The following DYNC1I1 variants were observed in gnomAD, a reference collection of about 807,000 sequenced individuals.
DYNC1I1 encodes cytoplasmic dynein 1 intermediate chain 1.
Under a neutral mutation model 86.6 loss-of-function variants are expected in DYNC1I1, and 43 were observed. The observed-to-expected ratio is 0.50, with a 90% CI of 0.39 to 0.64. The LOEUF (loss-of-function observed/expected upper bound fraction) is 0.64. Ranked by LOEUF, DYNC1I1 falls within the 30% of genes least tolerant of loss-of-function variation. DYNC1I1 has a pLI of 0.00. For synonymous variants in DYNC1I1, 262 were observed against 283.7 expected (o/e 0.92, Z 0.77); for missense variants, 604 against 788.8 (o/e 0.77, Z 2.81).
chr7:95,838,234 G>T (rs894157262), intron 5 of DYNC1I1, among the ~76,000 whole-genome samples: 4 of 152,102 alleles, frequency 2.6e-5, no homozygotes, highest in African/African-American at 9.7e-5. Context: ...GTGATATAAA[G>T]ATCCAATTTC....
At chr7:96,021,847 T>G (rs1794559050) in intron 10 of DYNC1I1, among the ~76,000 whole-genome samples, 1 of 152,206 alleles carries the variant, frequency 6.6e-6, no homozygotes, top group African/African-American at 2.4e-5. Flanking sequence ...ACTTTATTCT[T>G]TTTATTGCCA....
chr7:95,871,855 A>G (rs1386425061), intron 6 of DYNC1I1, among the ~76,000 whole-genome samples: 1 of 152,224 alleles, frequency 6.6e-6, no homozygotes, highest in Non-Finnish European at 1.5e-5. Context: ...TGTTTTGTTC[A>G]CAAGATCCAT....
At chr7:95,834,551 A>G (rs1412327943) in intron 5 of DYNC1I1, among the ~76,000 whole-genome samples, 1 of 134,022 alleles carries the variant, frequency 7.5e-6, no homozygotes, top group African/African-American at 2.9e-5. Context: ...GAATGGTACC[A>G]GTTCCTCCTT....
rs1789719616 is a variant in DYNC1I1, at chr7:95,856,263, G to A, written c.375-13620G>A. Reference sequence around the variant, plus strand: ...ATATCACTGTCTTTCACCTCCACATGTTGTCCCCCTGGACGGTCTTCAGGG... The same window carrying A: ...ATATCACTGTCTTTCACCTCCACATATTGTCCCCCTGGACGGTCTTCAGGG... On this transcript the variant is annotated intron_variant, in intron 5 of 16. Transcript: ENST00000447467. 3.3e-5 allele frequency among the ~76,000 whole-genome samples: 5 copies of A among 151,978 alleles called. No homozygotes were observed. In the South Asian group the frequency reaches 1.0e-3, roughly 32 times the overall value.
chr7:96,076,092 A>C lies in DYNC1I1; in HGVS notation c.1545A>C (p.Ala515=). 6.2e-7 allele frequency: 1 copy of C among 1,614,194 alleles called. No homozygotes were observed. Among genetic ancestry groups the C allele is most frequent in the South Asian group, 1.1e-5 (1 of 91,084 alleles). ...NKPLYSFEDN[A]DYVYDVMWSP... ...CGCTCTACTCCTTTGAAGACAATGC[A>C]GACTATGTGTACGATGTCATGTGGT... Residue 515 remains alanine (A), a synonymous_variant, in exon 15 of 17, where the codon GCA becomes GCC. Transcript: ENST00000447467.
intron 6 of DYNC1I1, among the ~76,000 whole-genome samples, chr7:95,907,355 C>T (rs1422236605): frequency 2.0e-5 from 3 of 152,114 alleles, no homozygotes; most frequent in South Asian, 2.1e-4. Flanking sequence ...CCAGAATGAC[C>T]GTTTATATTT....
chr7:96,082,111 C>T (rs1338252416), intron 16 of DYNC1I1, among the ~76,000 whole-genome samples: 2 of 152,034 alleles, frequency 1.3e-5, no homozygotes, highest in African/African-American at 2.4e-5. Context: ...CCCTCTGAGT[C>T]GGAAATACCG....
Position 95,778,237 on chromosome 7 carries a change from T to C in DYNC1I1, c.-10+5464T>C, listed in dbSNP as rs938848794. Among the ~76,000 whole-genome samples, 117 of 152,228 alleles carry C rather than the reference T, an allele frequency of 7.7e-4. 1 individual carries two copies. The highest frequency in any genetic ancestry group is 1.8e-4 in the Non-Finnish European group (12 of 68,032). ...TGGAGATGGAAAAAGGGGCCCCGAA[T>C]AATTCTACAACCACAGGCACATTCT... On this transcript the variant is annotated intron_variant, in intron 1 of 16. Coordinates refer to ENST00000447467, the MANE Select transcript of DYNC1I1 (RefSeq NM_001135556.2).
At chr7:96,101,210 G>A (rs1050398615), downstream of DYNC1I1, among the ~76,000 whole-genome samples, 4 of 152,332 alleles carry the variant, frequency 2.6e-5, no homozygotes, top group Admixed American at 6.5e-5. Context: ...TTAAAAGAAC[G>A]TGGCATTCCT....
At position 96,074,513 on chromosome 7, in the gene DYNC1I1, T is replaced by C. The variant is rs1790271156; in HGVS notation, c.1510-1544T>C. Among the ~76,000 whole-genome samples, 3 of 136,336 alleles carry C rather than the reference T, an allele frequency of 2.2e-5. No homozygotes were observed. The South Asian group carries it at 6.7e-4, about 31-fold the overall frequency. 89.4% of individuals were successfully genotyped at this position (136,336 alleles called of 152,430 possible). On this transcript the variant is annotated intron_variant, in intron 14 of 16. Transcript: ENST00000447467. ...TTGCAATGAGCCGAGATCGCGCCACTGCACTCCAGCCTGGGCGACAGAGCG... is the reference window on the plus strand; with the variant it reads ...TTGCAATGAGCCGAGATCGCGCCACCGCACTCCAGCCTGGGCGACAGAGCG...
At position 95,793,077 on chromosome 7, in the gene DYNC1I1, G is replaced by C. The variant is rs139530269; in HGVS notation, c.-9-11644G>C. Among the ~76,000 whole-genome samples the C allele has an allele frequency of 9.3e-4, 141 of 152,232 alleles. 1 individual carries two copies. Among genetic ancestry groups the C allele is most frequent in the African/African-American group, 3.0e-3 (124 of 41,538 alleles). On this transcript the variant is annotated intron_variant, in intron 1 of 16. Transcript: ENST00000447467. ...TGGGTACACTACCATCAGATTTGGT[G>C]ATAGAAAGCTCACCCTGATATTGCG...
At position 95,833,685 on chromosome 7, in the gene DYNC1I1, C is replaced by T. The variant is rs934633851; in HGVS notation, c.374+5569C>T. 4.5e-3 allele frequency among the ~76,000 whole-genome samples: 682 copies of T among 150,482 alleles called. 2 individuals are homozygous for T. Among genetic ancestry groups the T allele is most frequent in the Non-Finnish European group, 7.2e-3 (490 of 67,780 alleles). ...TAGTTCTCCTTGAAGAGGTCCCTCA[C>T]GTCCCTTGTAAGTTGGATTCCTAGG... On this transcript the variant is annotated intron_variant, in intron 5 of 16. Transcript: ENST00000447467.
At position 96,098,068 on chromosome 7, in the gene DYNC1I1, A is replaced by G; in HGVS notation, c.*475A>G. The G allele has an allele frequency of 1.0e-6, 1 of 988,876 alleles. No individual in the cohort carries two copies. The highest frequency in any genetic ancestry group is 1.2e-6 in the Non-Finnish European group (1 of 831,694). The allele number at this position is 988,876 out of a possible 1,614,324, so 61.3% of individuals were successfully genotyped here. A position where few individuals can be genotyped will look rare whatever the true frequency, so the allele number is the denominator to read the frequency against. ...TTATGAATGGATTTACTAGAAGAAC[A>G]TTGCTGCTCCTTATTTATTGTAGTG... On this transcript the variant is annotated 3_prime_UTR_variant, in exon 17 of 17. Transcript: ENST00000447467.
At position 96,069,712 on chromosome 7, in the gene DYNC1I1, T is replaced by C. The variant is rs1790105135; in HGVS notation, c.1510-6345T>C. Reference sequence around the variant, plus strand: ...CTCAATACTAGTCAAAACCTGTGAATATGTATACATTCTTTTATATGGATA... The same window carrying C: ...CTCAATACTAGTCAAAACCTGTGAACATGTATACATTCTTTTATATGGATA... On this transcript the variant is annotated intron_variant, in intron 14 of 16. Transcript: ENST00000447467. Among the ~76,000 whole-genome samples, 4 of 152,216 alleles carry C rather than the reference T, an allele frequency of 2.6e-5. No homozygotes were observed. In the South Asian group the frequency reaches 8.3e-4, roughly 32 times the overall value.
intron 14 of DYNC1I1, among the ~76,000 whole-genome samples, chr7:96,052,369 G>C (rs1562986481): frequency 6.6e-6 from 1 of 152,204 alleles, no homozygotes; most frequent in Non-Finnish European, 1.5e-5. Context: ...AGAAAGGAAA[G>C]GGCATTCAAG....
intron 15 of DYNC1I1, among the ~76,000 whole-genome samples, chr7:96,078,101 A>T (rs1006223918): frequency 1.6e-4 from 25 of 152,160 alleles, no homozygotes; most frequent in Non-Finnish European, 3.4e-4. Flanking sequence ...CTTAAAAATT[A>T]GATTTCTTAA....
At chr7:96,094,397 G>A (rs1790936818) in intron 16 of DYNC1I1, among the ~76,000 whole-genome samples, 1 of 152,138 alleles carries the variant, frequency 6.6e-6, no homozygotes, top group African/African-American at 2.4e-5. Context: ...ATGTTCTTGA[G>A]CCTACTTTCT....
At chr7:96,062,933 C>T (rs1168168023) in intron 14 of DYNC1I1, among the ~76,000 whole-genome samples, 1 of 151,922 alleles carries the variant, frequency 6.6e-6, no homozygotes, top group African/African-American at 2.4e-5. Flanking sequence ...TGAGTTGTGT[C>T]CCTGGGGTGG....
intron 5 of DYNC1I1, among the ~76,000 whole-genome samples, chr7:95,860,309 G>C (rs1206958721): frequency 6.6e-6 from 1 of 152,028 alleles, no homozygotes; most frequent in East Asian, 1.9e-4. Context: ...ATTCATCCAG[G>C]AAACTGTATC....
Sources: allele counts gnomAD v4.1 joint callset (sites outside exome capture counted in the v4.1 genomes callset), GRCh38; gene constraint gnomAD v4.1.1; transcripts MANE v1.5; gene names NCBI Gene and HGNC (gene_info 2026-07-23, HGNC 2026-07-21).